FYCO1: variants seen among roughly 807,000 people sequenced by gnomAD.
FYCO1 encodes the protein FYVE and coiled-coil domain-containing protein 1.
In FYCO1, 122 loss-of-function variants were observed where a neutral mutation model predicts 165.1. The observed-to-expected ratio is 0.74, with a 90% CI of 0.64 to 0.86. The LOEUF is 0.86. Among genes scored for constraint, FYCO1 ranks in the 40% least tolerant of loss-of-function variants. FYCO1 has a pLI of 0.00. For missense variants in FYCO1, 1,702 were observed against 1,810.3 expected (o/e 0.94, Z 1.09); for synonymous variants, 648 against 742.5 (o/e 0.87, Z 2.07).
intron 1 of FYCO1, among the ~76,000 whole-genome samples, chr3:45,992,170 C>T (rs1055868139): frequency 3.9e-5 from 6 of 152,182 alleles, no homozygotes; most frequent in Admixed American, 6.5e-5. Context: ...CACAAATACA[C>T]CTCCCAAGGC....
intron 14 of FYCO1, among the ~76,000 whole-genome samples, chr3:45,944,790 G>A (rs891194973): frequency 1.3e-5 from 2 of 152,190 alleles, no homozygotes; most frequent in Admixed American, 6.5e-5. Context: ...AAAAAAAGGC[G>A]AGAGCGAGTC....
chr3:45,926,995 A>C (rs992824816), intron 16 of FYCO1, among the ~76,000 whole-genome samples: 11 of 152,136 alleles, frequency 7.2e-5, no homozygotes, highest in African/African-American at 2.6e-4. Context: ...TCCACCCAAC[A>C]ACAGCAGAAG....
intron 16 of FYCO1, among the ~76,000 whole-genome samples, chr3:45,926,855 T>C (rs539314153): frequency 2.0e-5 from 3 of 152,076 alleles, no homozygotes; most frequent in East Asian, 1.9e-4. Flanking sequence ...TCCCAGCTAC[T>C]TGGGAGGCTG....
At chr3:45,992,161 A>G (rs1320790219) in intron 1 of FYCO1, among the ~76,000 whole-genome samples, 1 of 152,206 alleles carries the variant, frequency 6.6e-6, no homozygotes, top group Admixed American at 6.5e-5. Flanking sequence ...CAGCCCTAGC[A>G]CAAATACACC....
chr3:45,985,114 C>T (rs1260610029), intron 1 of FYCO1, 92 bp from the exon 2 acceptor site: 2 of 670,452 alleles, frequency 3.0e-6, no homozygotes, highest in African/African-American at 1.8e-5. Flanking sequence ...ACAAAGGTCA[C>T]CCTATCTGGG....
At chr3:45,973,631 C>G (rs1188125368) in intron 5 of FYCO1, among the ~76,000 whole-genome samples, 1 of 152,120 alleles carries the variant, frequency 6.6e-6, no homozygotes, top group Non-Finnish European at 1.5e-5. Flanking sequence ...TGTCCAGATA[C>G]CAATTTAAAA....
intron 17 of FYCO1, among the ~76,000 whole-genome samples, chr3:45,922,101 C>T (rs1703116088): frequency 6.6e-6 from 1 of 152,256 alleles, no homozygotes; most frequent in Admixed American, 6.5e-5. Flanking sequence ...TCACCTCCCT[C>T]ACCTGGCTGC....
At chr3:45,982,333 G>T (rs1458341839) in intron 2 of FYCO1, among the ~76,000 whole-genome samples, 2 of 152,024 alleles carry the variant, frequency 1.3e-5, no homozygotes, top group Non-Finnish European at 2.9e-5. Context: ...GTACAATTTA[G>T]AATCTATGAA....
At chr3:45,950,595 C>G (rs1333119160) in intron 14 of FYCO1, among the ~76,000 whole-genome samples, 2 of 152,160 alleles carry the variant, frequency 1.3e-5, no homozygotes, top group African/African-American at 4.8e-5. Flanking sequence ...AGCAGCACCC[C>G]CTTCCAGCTG....
intron 11 of FYCO1, among the ~76,000 whole-genome samples, chr3:45,960,933 G>A (rs1174250906): frequency 2.0e-5 from 3 of 152,114 alleles, no homozygotes; most frequent in African/African-American, 4.8e-5. Context: ...CTGGACATGG[G>A]CATTTTTAAA....
rs534983536 is a variant in FYCO1 at position 45,958,459 on chromosome 3, T to C, written c.3748A>G (p.Ser1250Gly). Residue 1250 changes from serine to glycine, a missense_variant, in exon 13 of 18, where the codon AGC becomes GGC. Coordinates refer to ENST00000296137, the MANE Select transcript of FYCO1 (RefSeq NM_024513.4). The stretch of plus-strand genomic sequence containing the variant: ...GGTGAGGCTGGTGACAGTGCAGGGC[T>C]GGGCTCTCCCTGGCTAGTGCCTGAG... ...SGSGTSQGEP[S>G]PALSPASPGP... 6.2e-7 allele frequency: 1 copy of C among 1,613,346 alleles called. No individual in the cohort carries two copies. Among genetic ancestry groups the C allele is most frequent in the East Asian group, 2.2e-5 (1 of 44,882 alleles).
intron 3 of FYCO1, 55 bp from the exon 4 acceptor site, chr3:45,979,885 G>A (rs201209908): frequency 4.4e-6 from 7 of 1,603,244 alleles, no homozygotes; most frequent in Admixed American, 3.3e-5. Context: ...TCTTCATTCC[G>A]GCATTTAAAT....
intron 14 of FYCO1, chr3:45,947,660 G>T: frequency 1.5e-6 from 1 of 655,686 alleles, no homozygotes; most frequent in Non-Finnish European, 2.7e-6. Context: ...TTCTTCTCAG[G>T]CATGAACATG....
At chr3:45,979,566 C>A in intron 4 of FYCO1, 139 bp downstream of exon 4, 3 of 991,822 alleles carry the variant, frequency 3.0e-6, no homozygotes, top group South Asian at 2.6e-5. Flanking sequence ...ATGGGCATTG[C>A]GTATACCTGG....
At chr3:45,985,937 T>C (rs1425731568) in intron 1 of FYCO1, among the ~76,000 whole-genome samples, 2 of 152,236 alleles carry the variant, frequency 1.3e-5, no homozygotes, top group East Asian at 1.9e-4. Context: ...GCTGGCAAAG[T>C]AGATAGCAAG....
At chr3:45,989,357 T>G (rs1165520465) in intron 1 of FYCO1, among the ~76,000 whole-genome samples, 1 of 152,198 alleles carries the variant, frequency 6.6e-6, no homozygotes, top group Non-Finnish European at 1.5e-5. Context: ...AGTTACCACC[T>G]ACAGAAAGGG....
At chr3:45,961,749 C>T (rs929773157) in intron 11 of FYCO1, among the ~76,000 whole-genome samples, 3 of 152,188 alleles carry the variant, frequency 2.0e-5, no homozygotes, top group African/African-American at 7.2e-5. Flanking sequence ...CTGAGCTGAA[C>T]ACTGTTGAAG....
chr3:45,968,400 C>CA lies in FYCO1; in HGVS notation c.933dup (p.Val312CysfsTer41). ...TGCAGGCATGTCTGCAGCTCCTTCA[C>CA]AGTGTTCTGGGTGGCCTGGGTGACC... On this transcript the variant is annotated frameshift_variant, in exon 8 of 18. Coordinates refer to ENST00000296137, the MANE Select transcript of FYCO1 (RefSeq NM_024513.4). LOFTEE classifies it high-confidence loss of function. 6.2e-7 allele frequency: 1 copy of CA among 1,613,810 alleles called. No homozygotes were observed. The highest frequency in any genetic ancestry group is 8.5e-7 in the Non-Finnish European group (1 of 1,179,924).
intron 14 of FYCO1, chr3:45,947,188 T>G: frequency 6.2e-7 from 1 of 1,614,210 alleles, no homozygotes; most frequent in Non-Finnish European, 8.5e-7. Context: ...ATCTTCCTGG[T>G]GATGGCTGTG....
Sources: allele counts gnomAD v4.1 joint callset (sites outside exome capture counted in the v4.1 genomes callset), GRCh38; gene constraint gnomAD v4.1.1; transcripts MANE v1.5; gene names NCBI Gene and HGNC (gene_info 2026-07-23, HGNC 2026-07-21).